CDKN2B-AS1: variants seen among roughly 807,000 people sequenced by gnomAD.
CDKN2B-AS1 encodes the protein CDKN2B antisense RNA 1 (non-protein coding).
chr9:22,012,354 C>A (rs913675457), intron 1 of CDKN2B-AS1: 1 of 1,177,258 alleles, frequency 8.5e-7, no homozygotes, highest in East Asian at 2.4e-5. Context: ...CAGCCCACCC[C>A]GCACCTGGTG....
rs1227303709 is a variant in CDKN2B-AS1, at chr9:21,997,402, C to T, written n.29+2241C>T. On this transcript the variant is annotated intron_variant and non_coding_transcript_variant, in intron 1 of 4. Transcript: ENST00000650946. This position sits in a 1 kb window ranked among gnomAD's most constrained non-coding sequence, Gnocchi z 4.8. ...AAGCATCGTTATCCAGCACATGACT[C>T]TGTGTGTGTATACAATTTTATATAT... is the stretch of plus-strand genomic sequence containing the variant. Among the ~76,000 whole-genome samples the T allele has an allele frequency of 6.6e-6, 1 of 151,812 alleles. No homozygotes were observed. The highest frequency in any genetic ancestry group is 1.5e-5 in the Non-Finnish European group (1 of 67,992).
chr9:22,012,597 A>G (rs1051223172), intron 1 of CDKN2B-AS1: 13 of 445,284 alleles, frequency 2.9e-5, no homozygotes, highest in African/African-American at 1.4e-4. Flanking sequence ...TGGAGCCTCA[A>G]TAAAGTGTCC....
At chr9:22,044,013 T>C (rs1394487701) in intron 1 of CDKN2B-AS1, among the ~76,000 whole-genome samples, 7 of 152,022 alleles carry the variant, frequency 4.6e-5, no homozygotes, top group Admixed American at 4.6e-4. Flanking sequence ...GGACTTTACG[T>C]ATGTCATTTA....
At chr9:22,076,209 T>A (rs1831734) in intron 4 of CDKN2B-AS1, among the ~76,000 whole-genome samples, 1 of 152,108 alleles carries the variant, frequency 6.6e-6, no homozygotes, top group Admixed American at 6.6e-5. Context: ...CCTGCCACCA[T>A]GCCTATCTTA....
At position 22,061,315 on chromosome 9, in the gene CDKN2B-AS1, G is replaced by A. The variant is rs75733496; in HGVS notation, n.438+4928G>A. On this transcript the variant is annotated intron_variant and non_coding_transcript_variant, in intron 4 of 4. Transcript: ENST00000650946. ...TTTCCTTTACTAGCCAAAATCTGAT[G>A]ACATTTTTTCCTTTACTAGCCAAAA... 8.2e-3 allele frequency among the ~76,000 whole-genome samples: 1,245 copies of A among 152,202 alleles called. 81 individuals carry two copies. In the East Asian group the frequency reaches 0.17, roughly 21 times the overall value.
intron 1 of CDKN2B-AS1, chr9:22,029,514 C>G (rs752120070): frequency 7.7e-6 from 6 of 779,614 alleles, no homozygotes; most frequent in South Asian, 6.7e-5. Context: ...CTCCTCTCAT[C>G]TGATCTCCGT....
chr9:22,085,431 C>T (rs536240887), intron 4 of CDKN2B-AS1, among the ~76,000 whole-genome samples: 4 of 152,114 alleles, frequency 2.6e-5, no homozygotes, highest in Non-Finnish European at 5.9e-5. Flanking sequence ...ATAAAAGTTC[C>T]CTCTCTGGCC....
At chr9:22,105,610 T>C (rs1327678714) in intron 4 of CDKN2B-AS1, among the ~76,000 whole-genome samples, 4 of 152,194 alleles carry the variant, frequency 2.6e-5, no homozygotes, top group Non-Finnish European at 4.4e-5. Context: ...AGATGCTATA[T>C]TGCCTTTTGT....
chr9:22,019,035 G>T (rs1385978292), intron 1 of CDKN2B-AS1, among the ~76,000 whole-genome samples: 2 of 152,198 alleles, frequency 1.3e-5, no homozygotes, highest in African/African-American at 4.8e-5. Flanking sequence ...GGAAGGGGAT[G>T]TGAGTCAGAA....
At chr9:22,117,448 T>C (rs1248808585) in intron 4 of CDKN2B-AS1, 1 of 152,172 alleles carries the variant, frequency 6.6e-6, no homozygotes, top group East Asian at 1.9e-4. Context: ...TGAAATCATG[T>C]TTCCAAGGAA....
chr9:22,119,555 A>C (rs1826046153), intron 4 of CDKN2B-AS1: 1 of 152,246 alleles, frequency 6.6e-6, no homozygotes, highest in South Asian at 2.1e-4. Context: ...TATTTATTAT[A>C]TGGAACAATG....
At chr9:22,056,722 C>T (rs1263242541) in intron 4 of CDKN2B-AS1, among the ~76,000 whole-genome samples, 1 of 152,144 alleles carries the variant, frequency 6.6e-6, no homozygotes, top group East Asian at 1.9e-4. Flanking sequence ...TCTTAAGTTG[C>T]TATCATTTAA....
chr9:22,040,023 C>G (rs900697128), intron 1 of CDKN2B-AS1, among the ~76,000 whole-genome samples: 3 of 152,006 alleles, frequency 2.0e-5, no homozygotes, highest in Non-Finnish European at 2.9e-5. Flanking sequence ...ACAAAATTAA[C>G]AGAAGCTACG....
At position 22,000,103 on chromosome 9, in the gene CDKN2B-AS1, TG is replaced by T. The variant is rs1563908886; in HGVS notation, n.29+4946del. 6.6e-6 allele frequency among the ~76,000 whole-genome samples: 1 copy of T among 152,160 alleles called. No individual in the cohort carries two copies. Among genetic ancestry groups the T allele is most frequent in the East Asian group, 1.9e-4 (1 of 5,200 alleles). ...TATTAAATAACAACCACAGGAATAT[TG>T]GGGCTCAAACCTAGAGATTCTAATT... On this transcript the variant is annotated intron_variant and non_coding_transcript_variant, in intron 1 of 4. Transcript: ENST00000650946. This position sits in a 1 kb window ranked among gnomAD's most constrained non-coding sequence, Gnocchi z 4.1.
In CDKN2B-AS1 at chr9:22,069,057, G is replaced by T. The variant is rs1203671116; in HGVS notation, n.438+12670G>T. On this transcript the variant is annotated intron_variant and non_coding_transcript_variant, in intron 4 of 4. Transcript: ENST00000650946. ...AATGGTTAGTCCCCTGTCATTGCAT[G>T]TTAGCTTTCTTTCCCTTTTCTAGGC... Among the ~76,000 whole-genome samples, 5 of 152,320 alleles carry T rather than the reference G, an allele frequency of 3.3e-5. No homozygotes were observed. The East Asian group carries it at 9.6e-4, about 29-fold the overall frequency.
intron 4 of CDKN2B-AS1, chr9:22,065,539 C>G (rs563592342): frequency 6.6e-6 from 1 of 152,176 alleles, no homozygotes; most frequent in African/African-American, 2.4e-5. Flanking sequence ...GTTACAATTT[C>G]TTGGAAGGGG....
chr9:22,062,319 A>G (rs911629300), intron 4 of CDKN2B-AS1, among the ~76,000 whole-genome samples: 12 of 152,328 alleles, frequency 7.9e-5, no homozygotes, highest in African/African-American at 2.9e-4. Context: ...TTATGTATAC[A>G]ATTGAAGATA....
chr9:22,079,528 AG>A (rs911211236), intron 4 of CDKN2B-AS1, among the ~76,000 whole-genome samples: 3 of 151,194 alleles, frequency 2.0e-5, no homozygotes, highest in Non-Finnish European at 4.4e-5. Flanking sequence ...AAAAAGGGAA[AG>A]AAAAAAAAGA....
intron 4 of CDKN2B-AS1, among the ~76,000 whole-genome samples, chr9:22,114,159 C>A (rs72654250): frequency 6.6e-6 from 1 of 152,192 alleles, no homozygotes; most frequent in Non-Finnish European, 1.5e-5. Flanking sequence ...ATTACTCCAA[C>A]CTCCTCTCCC....
Sources: allele counts gnomAD v4.1 joint callset (sites outside exome capture counted in the v4.1 genomes callset), GRCh38; gene constraint gnomAD v4.1.1; non-coding constraint Gnocchi (gnomAD v3.1); transcripts MANE v1.5; gene names NCBI Gene and HGNC (gene_info 2026-07-23, HGNC 2026-07-21).